GAS6: variants seen among roughly 807,000 people sequenced by gnomAD.
GAS6 encodes the protein growth arrest specific 6, also known as growth arrest-specific protein 6.
In GAS6, 41 loss-of-function variants were observed where a neutral mutation model predicts 75.8. The observed-to-expected ratio is 0.54, with a 90% CI of 0.42 to 0.70. GAS6 has a LOEUF of 0.70. Among genes scored for constraint, GAS6 ranks in the 30% least tolerant of loss-of-function variants. The pLI, the probability that GAS6 is intolerant of heterozygous loss-of-function variation, is 0.00. For missense variants in GAS6, 854 were observed against 940.2 expected (o/e 0.91, Z 1.20); for synonymous variants, 432 against 412.6 (o/e 1.05, Z -0.57).
chr13:113,827,234 G>T, intron 11 of GAS6, 70 bp from the exon 12 acceptor site: 1 of 1,533,712 alleles, frequency 6.5e-7, no homozygotes, highest in Non-Finnish European at 8.9e-7. Context: ...CCCAGTCGGT[G>T]GGTGGCGCCT....
In GAS6 at chr13:113,863,854, G is replaced by A. The variant is rs1195867036; in HGVS notation, c.67C>T (p.Leu23=). 2 of 1,147,198 alleles carry A rather than the reference G, an allele frequency of 1.7e-6. No individual in the cohort carries two copies. The highest frequency in any genetic ancestry group is 2.2e-6 in the Non-Finnish European group (2 of 921,530). 71.1% of individuals were successfully genotyped at this position (1,147,198 alleles called of 1,614,324 possible). The change falls in exon 1 of 15, where the codon CTG becomes TTG. Residue 23 remains leucine, a synonymous_variant. Coordinates refer to ENST00000327773, the MANE Select transcript of GAS6 (RefSeq NM_000820.4). This position sits in a 1 kb window ranked among gnomAD's most constrained non-coding sequence, Gnocchi z 9.4. ...RRAPQLLLLL[L]AAECALAALL... ...TCACCAAGCGCGCACTCCGCGGCCA[G>A]CAGCAGCAGCAGCAGCTGCGGCGCG... is the stretch of plus-strand genomic sequence containing the variant.
intron 8 of GAS6, chr13:113,833,372 C>T (rs1405384716): frequency 7.0e-6 from 7 of 998,350 alleles, no homozygotes; most frequent in Admixed American, 1.1e-4. Flanking sequence ...AACGTCGCAG[C>T]CCAGACCCAA....
At chr13:113,857,535 A>G (rs866879534) in intron 2 of GAS6, among the ~76,000 whole-genome samples, 30 of 152,340 alleles carry the variant, frequency 2.0e-4, no homozygotes, top group African/African-American at 7.0e-4. Flanking sequence ...AACAGCTCTC[A>G]GTTTTAACCT....
At chr13:113,822,574 G>A (rs979806636) in intron 13 of GAS6, 9 of 188,940 alleles carry the variant, frequency 4.8e-5, no homozygotes, top group African/African-American at 2.1e-4. Flanking sequence ...CAGCCCGGTG[G>A]GCACTCACGC....
At chr13:113,835,948 G>A (rs1053791072) in intron 6 of GAS6, 14 of 1,145,700 alleles carry the variant, frequency 1.2e-5, no homozygotes, top group East Asian at 9.0e-5. Context: ...TTTAAATGAC[G>A]GTGCTACAGG....
chr13:113,862,669 G>A (rs2051981674), intron 2 of GAS6, among the ~76,000 whole-genome samples: 1 of 152,210 alleles, frequency 6.6e-6, no homozygotes, highest in East Asian at 1.9e-4. Context: ...AGATCTAAGA[G>A]GGGTCAAGTC....
chr13:113,855,752 C>A (rs1182299286), intron 2 of GAS6, among the ~76,000 whole-genome samples: 1 of 152,188 alleles, frequency 6.6e-6, no homozygotes, highest in African/African-American at 2.4e-5. Context: ...CTGACTGCGA[C>A]CACCACCAAT....
intron 3 of GAS6, among the ~76,000 whole-genome samples, chr13:113,847,269 G>A (rs1381451370): frequency 1.3e-5 from 2 of 152,246 alleles, no homozygotes; most frequent in African/African-American, 4.8e-5. Context: ...GCTGGTGCCT[G>A]GGCTTTCTGG....
chr13:113,824,707 C>T (rs1375737443), intron 12 of GAS6, among the ~76,000 whole-genome samples: 2 of 152,070 alleles, frequency 1.3e-5, no homozygotes, highest in Admixed American at 6.6e-5. Context: ...CTCTTTCCCA[C>T]GGGGCTGTGT....
intron 9 of GAS6, 53 bp from the exon 10 acceptor site, chr13:113,832,541 C>A (rs1253259813): frequency 1.9e-6 from 3 of 1,595,528 alleles, no homozygotes; most frequent in Admixed American, 1.7e-5. Context: ...AGATGCCCGG[C>A]CCCTCCCTGC....
chr13:113,862,944 G>A (rs1032011153), intron 2 of GAS6, among the ~76,000 whole-genome samples: 4 of 152,154 alleles, frequency 2.6e-5, no homozygotes, highest in African/African-American at 9.6e-5. Context: ...GGCTCCTGCG[G>A]GAGGCGGCCC....
At chr13:113,847,052 G>T in intron 3 of GAS6, 1 of 501,668 alleles carries the variant, frequency 2.0e-6, no homozygotes, top group East Asian at 5.7e-5. Context: ...CGCTAGGGCG[G>T]CGGGGGGAGG....
In GAS6 at chr13:113,827,155, G is replaced by A. The variant is rs760140864; in HGVS notation, c.1318C>T (p.Arg440Cys). Residue 440 changes from arginine to cysteine, a missense_variant, in exon 12 of 15, where the codon CGT becomes TGT. Coordinates refer to ENST00000327773, the MANE Select transcript of GAS6 (RefSeq NM_000820.4). Reference sequence around the variant, plus strand: ...CAGCTCCTCATGCAGCCATCCAGACGAGGGTTTATCTGGAAAGGCAGAGAA... The same window carrying A: ...CAGCTCCTCATGCAGCCATCCAGACAAGGGTTTATCTGGAAAGGCAGAGAA... ...EKDLVQPINP[R>C]LDGCMRSWNW... The A allele has an allele frequency of 5.0e-6, 8 of 1,612,310 alleles. No individual in the cohort carries two copies. The highest frequency in any genetic ancestry group is 2.2e-5 in the East Asian group (1 of 44,856).
At chr13:113,826,913 T>C (rs1252533356) in intron 12 of GAS6, 83 bp downstream of exon 12, 8 of 875,684 alleles carry the variant, frequency 9.1e-6, no homozygotes, top group African/African-American at 2.2e-5. Flanking sequence ...GACGCTGCCA[T>C]CTGAGGCCGT....
At chr13:113,857,362 TA>T (rs2051923173) in intron 2 of GAS6, among the ~76,000 whole-genome samples, 1 of 152,234 alleles carries the variant, frequency 6.6e-6, no homozygotes, top group African/African-American at 2.4e-5. Context: ...AAATTTATTT[TA>T]AAACTTTTAA....
chr13:113,830,713 T>C (rs1229573249), intron 10 of GAS6, among the ~76,000 whole-genome samples: 1 of 88,968 alleles, frequency 1.1e-5, no homozygotes, highest in Non-Finnish European at 2.1e-5. Context: ...CTCCTCCCCA[T>C]GGCTCCATCC....
intron 12 of GAS6, among the ~76,000 whole-genome samples, chr13:113,823,805 C>T (rs1400473326): frequency 6.6e-6 from 1 of 152,224 alleles, no homozygotes; most frequent in Non-Finnish European, 1.5e-5. Context: ...AGGTGACCAC[C>T]AGGCCACACA....
At position 113,847,920 on chromosome 13, in the gene GAS6, A is replaced by C. The variant is rs2051846595; in HGVS notation, c.280+106T>G. 11 of 1,046,278 alleles carry C rather than the reference A, an allele frequency of 1.1e-5. No homozygotes were observed. In the South Asian group the frequency reaches 1.4e-4, roughly 13 times the overall value. 64.8% of individuals were successfully genotyped at this position (1,046,278 alleles called of 1,614,324 possible). ...TTCCACGTGCACCATGTGATTAAGA[A>C]TCTTCCTTCCAAGAGTTACGTGGTG... On this transcript the variant is annotated intron_variant, in intron 3 of 14. Transcript: ENST00000327773.
chr13:113,820,898 TG>T lies in GAS6; in HGVS notation c.2002del (p.His668ThrfsTer90). On this transcript the variant is annotated frameshift_variant, in exon 15 of 15. Transcript: ENST00000327773. LOFTEE classifies it high-confidence loss of function. The stretch of plus-strand genomic sequence containing the variant: ...GGCGGGCTCCACGGGGGGGCAGGAG[TG>T]GGCCGTGATGTCGCTGTGCTTGTAC... ...AAYKHSDITAHSCPPVEPAAA is the reference protein window; with the variant it reads ...AAYKHSDITAXSCPPVEPAAA The T allele has an allele frequency of 6.2e-7, 1 of 1,610,838 alleles. No homozygotes were observed. The highest frequency in any genetic ancestry group is 1.1e-5 in the South Asian group (1 of 91,006).
Sources: allele counts gnomAD v4.1 joint callset (sites outside exome capture counted in the v4.1 genomes callset), GRCh38; gene constraint gnomAD v4.1.1; non-coding constraint Gnocchi (gnomAD v3.1); transcripts MANE v1.5; gene names NCBI Gene and HGNC (gene_info 2026-07-23, HGNC 2026-07-21).